The following CEACAM1 variants were observed in gnomAD, a reference collection of about 807,000 sequenced individuals.
CEACAM1 encodes CEA cell adhesion molecule 1, also known as cell adhesion molecule CEACAM1.
A neutral mutation model predicts 49.1 loss-of-function variants in CEACAM1; 31 were observed. The ratio of observed to expected loss-of-function variants is 0.63; its 90% CI spans 0.47 to 0.85. The LOEUF (loss-of-function observed/expected upper bound fraction) is 0.85. Ranked by LOEUF, CEACAM1 falls within the 40% of genes least tolerant of loss-of-function variation. The probability of loss-of-function intolerance (pLI) is 0.00; values close to 1 mark genes in which losing one functional copy is unlikely to be tolerated. For missense variants in CEACAM1, 570 were observed against 645.3 expected (o/e 0.88, Z 1.26); for synonymous variants, 244 against 247.8 (o/e 0.98, Z 0.14).
intron 6 of CEACAM1, 97 bp downstream of exon 6, chr19:42,512,253 G>T: frequency 7.0e-7 from 1 of 1,421,168 alleles, no homozygotes; most frequent in South Asian, 1.2e-5. Flanking sequence ...GGAGGAGTAT[G>T]AGATCCAGGC....
At chr19:42,523,084 G>A (rs2041799556) in intron 2 of CEACAM1, among the ~76,000 whole-genome samples, 1 of 152,218 alleles carries the variant, frequency 6.6e-6, no homozygotes, top group Non-Finnish European at 1.5e-5. Context: ...TCCCTGACTG[G>A]CTGATGCCTG....
intron 2 of CEACAM1, among the ~76,000 whole-genome samples, chr19:42,526,343 T>C (rs1422048349): frequency 6.6e-6 from 1 of 152,194 alleles, no homozygotes; most frequent in Non-Finnish European, 1.5e-5. Context: ...TCCTGTCTCC[T>C]CTGTTCCTCC....
Position 42,518,788 on chromosome 19 carries a change from C to T in CEACAM1, c.1246+160G>A. 15 of 838,616 alleles carry T rather than the reference C, an allele frequency of 1.8e-5. No homozygotes were observed. In the South Asian group the frequency reaches 1.9e-4, roughly 11 times the overall value. 51.9% of individuals were successfully genotyped at this position (838,616 alleles called of 1,614,324 possible). Reference sequence around the variant, plus strand: ...CTGCTGGGATTACAGGCGTGAGCCACTGTGCCCGGCCTGAGCTGAGCTCTT... The same window carrying T: ...CTGCTGGGATTACAGGCGTGAGCCATTGTGCCCGGCCTGAGCTGAGCTCTT... On this transcript the variant is annotated intron_variant, in intron 5 of 8. Transcript: ENST00000161559.
At position 42,508,244 on chromosome 19, in the gene CEACAM1, T is replaced by A. The variant is rs531538714; in HGVS notation, c.*865A>T. The A allele has an allele frequency of 6.6e-6, 1 of 152,324 alleles. No homozygotes were observed. Among genetic ancestry groups the A allele is most frequent in the African/African-American group, 2.4e-5 (1 of 41,570 alleles). 9.4% of individuals were successfully genotyped at this position (152,324 alleles called of 1,614,324 possible). On this transcript the variant is annotated 3_prime_UTR_variant, in exon 9 of 9. Transcript: ENST00000161559. ...AAATTGTGTATTCTTTAACAATAAT[T>A]TAAATAATCGCTGAAGGGCAGCTCT...
rs41448247 is a variant in CEACAM1, at chr19:42,509,018, C to G, written c.*91G>C. 4.0e-5 allele frequency: 61 copies of G among 1,515,122 alleles called. No homozygotes were observed. The African/African-American group carries it at 7.0e-4, about 17-fold the overall frequency. The allele number at this position is 1,515,122 out of a possible 1,614,324, so 93.9% of individuals were successfully genotyped here. On this transcript the variant is annotated 3_prime_UTR_variant, in exon 9 of 9. Transcript: ENST00000161559. Reference sequence around the variant, plus strand: ...AGGAGAAAGTTGTTTCTGTCCCCACCCCTCTACCCCTACAGGGGAAAGGAA... The same window carrying G: ...AGGAGAAAGTTGTTTCTGTCCCCACGCCTCTACCCCTACAGGGGAAAGGAA...
At chr19:42,511,303 A>G (rs2041450221) in intron 7 of CEACAM1, 2 of 584,996 alleles carry the variant, frequency 3.4e-6, no homozygotes. Flanking sequence ...AGGCGGAAGG[A>G]GTAAGGCTGA....
intron 4 of CEACAM1, 146 bp downstream of exon 4, chr19:42,521,121 T>C: frequency 1.2e-6 from 1 of 838,484 alleles, no homozygotes. Flanking sequence ...TCTGCACAGA[T>C]GAATTGAGAG....
chr19:42,528,341 G>T lies in CEACAM1; in HGVS notation c.34C>A (p.Arg12Ser), dbSNP rs148191044. ...AGCAGAAGCCCCTGCCAGGGTACAC[G>T]CACTCTGTGAAGTGGGGCTGAGAGG... ...GHLSAPLHRV[R>S]VPWQGLLLTA... Residue 12 changes from arginine (R) to serine (S), a missense_variant, in exon 1 of 9, where the codon CGT (arginine) becomes AGT (serine). By Grantham distance (110) the Arg-to-Ser change is moderately radical. Coordinates refer to ENST00000161559, the MANE Select transcript of CEACAM1 (RefSeq NM_001712.5). The T allele has an allele frequency of 6.8e-6, 11 of 1,613,876 alleles. No individual in the cohort carries two copies. In the Admixed American group the frequency reaches 1.8e-4, roughly 27 times the overall value.
intron 8 of CEACAM1, among the ~76,000 whole-genome samples, chr19:42,510,556 A>ATC (rs887066892): frequency 2.6e-5 from 4 of 152,244 alleles, no homozygotes; most frequent in Non-Finnish European, 5.9e-5. Context: ...TTTGTAGGTT[A>ATC]TCTCGTTTAA....
chr19:42,521,185 G>T (rs750261660), intron 4 of CEACAM1, 82 bp downstream of exon 4: 10 of 1,530,078 alleles, frequency 6.5e-6, no homozygotes, highest in East Asian at 2.3e-5. Context: ...GGCTGCAAAA[G>T]AAAATTTCTT....
At chr19:42,512,186 G>GA (rs2147771264) in intron 6 of CEACAM1, among the ~76,000 whole-genome samples, 164 bp downstream of exon 6, 1 of 152,304 alleles carries the variant, frequency 6.6e-6, no homozygotes, top group East Asian at 1.9e-4. Context: ...CAGGGAGCAC[G>GA]AAGACCAGGG....
intron 7 of CEACAM1, chr19:42,511,278 C>A (rs1045254459): frequency 3.5e-6 from 2 of 568,848 alleles, no homozygotes; most frequent in Non-Finnish European, 3.1e-6. Flanking sequence ...TGCCCACATC[C>A]GTAATAGAGG....
At position 42,522,134 on chromosome 19, in the gene CEACAM1, A is replaced by G. The variant is rs1235860513; in HGVS notation, c.493T>C (p.Phe165Leu). 3 of 1,614,204 alleles carry G rather than the reference A, an allele frequency of 1.9e-6. No homozygotes were observed. The highest frequency in any genetic ancestry group is 2.5e-6 in the Non-Finnish European group (3 of 1,180,038). ...TCCTGAGTCTCAGGTTCACAGGTGA[A>G]GGCCACAGCATCCTTGTCCTCCACA... The part of the protein sequence containing the change: ...NPVEDKDAVA[F>L]TCEPETQDTT... Residue 165 changes from phenylalanine (F) to leucine (L), a missense_variant, in exon 3 of 9, where the codon TTC becomes CTC. Transcript: ENST00000161559.
intron 5 of CEACAM1, 109 bp from the exon 6 acceptor site, chr19:42,512,588 TAC>T: frequency 2.7e-6 from 3 of 1,123,284 alleles, no homozygotes; most frequent in Non-Finnish European, 2.6e-6. Flanking sequence ...CTTCAAGGAA[TAC>T]AGTTTCGTTG....
In CEACAM1 at chr19:42,511,571, CT is replaced by C. The variant is rs1288235132; in HGVS notation, c.1429+4del. 3.1e-6 allele frequency: 5 copies of C among 1,613,346 alleles called. No homozygotes were observed. The highest frequency in any genetic ancestry group is 3.4e-6 in the Non-Finnish European group (4 of 1,179,678). ...GTTCTCACTGGGGTAAGTGGCTTTA[CT>C]TACTGTGGTTGGAGACTGAGGGTTT... is the stretch of plus-strand genomic sequence containing the variant. On this transcript the variant is annotated splice_donor_region_variant and intron_variant, in intron 7 of 8. Transcript: ENST00000161559.
At chr19:42,521,201 C>A in intron 4 of CEACAM1, 66 bp downstream of exon 4, 1 of 1,571,156 alleles carries the variant, frequency 6.4e-7, no homozygotes, top group Non-Finnish European at 8.7e-7. Context: ...TTCTTCTCTG[C>A]TCCTATTTGA....
chr19:42,507,938 A>G lies in CEACAM1; in HGVS notation c.*1171T>C, dbSNP rs907932236. 26 of 152,210 alleles carry G rather than the reference A, an allele frequency of 1.7e-4. No individual in the cohort carries two copies. Among genetic ancestry groups the G allele is most frequent in the African/African-American group, 6.0e-4 (25 of 41,462 alleles). 9.4% of individuals were successfully genotyped at this position (152,210 alleles called of 1,614,324 possible). ...CAAACATGGAATAGAATGGTAGTTG[A>G]TGATTGGTCTGAGGTGCCTAGAAAC... On this transcript the variant is annotated 3_prime_UTR_variant, in exon 9 of 9. Coordinates refer to ENST00000161559, the MANE Select transcript of CEACAM1 (RefSeq NM_001712.5).
Position 42,508,939 on chromosome 19 carries a change from T to C in CEACAM1, c.*170A>G, listed in dbSNP as rs1017688394. On this transcript the variant is annotated 3_prime_UTR_variant, in exon 9 of 9. Coordinates refer to ENST00000161559, the MANE Select transcript of CEACAM1 (RefSeq NM_001712.5). ...CCAATGTACTTTCATCTATTGACAC[T>C]GAGAGAGGGGCAGTGACCAGGCAGC... is the stretch of plus-strand genomic sequence containing the variant. The C allele has an allele frequency of 3.1e-6, 2 of 645,230 alleles. No individual in the cohort carries two copies. Among genetic ancestry groups the C allele is most frequent in the Non-Finnish European group, 5.2e-6 (2 of 381,550 alleles). The allele number at this position is 645,230 out of a possible 1,614,324, so 40.0% of individuals were successfully genotyped here.
At chr19:42,512,644 AT>A (rs900855095) in intron 5 of CEACAM1, among the ~76,000 whole-genome samples, 165 bp from the exon 6 acceptor site, 83 of 145,690 alleles carry the variant, frequency 5.7e-4, no homozygotes, top group African/African-American at 1.4e-3. Flanking sequence ...TATCCTTGCA[AT>A]TTTTTTTTTT....
Sources: gnomAD v4.1 joint callset for allele counts (sites outside exome capture counted in the v4.1 genomes callset) on GRCh38, gnomAD v4.1.1 for gene constraint, MANE v1.5 for transcripts, NCBI Gene and HGNC (gene_info 2026-07-23, HGNC 2026-07-21) for gene names.